Variants in EDC3 observed in about 807,000 individuals in gnomAD.
The protein encoded by EDC3 is enhancer of mRNA decapping 3, also known as enhancer of mRNA-decapping protein 3.
In EDC3, 20 loss-of-function variants were observed where a neutral mutation model predicts 41.8. The observed-to-expected ratio is 0.48, with a 90% CI of 0.34 to 0.70. The LOEUF (loss-of-function observed/expected upper bound fraction) is 0.70. Among genes scored for constraint, EDC3 ranks in the 30% least tolerant of loss-of-function variants. The pLI is 0.01. For missense variants in EDC3, 444 were observed against 636.8 expected, an observed-to-expected ratio of 0.70 and a Z score of 3.26; for synonymous variants, 206 against 243.2, an observed-to-expected ratio of 0.85 and a Z score of 1.42.
At chr15:74,657,247 G>T (rs976266632) in intron 3 of EDC3, among the ~76,000 whole-genome samples, 53 of 152,214 alleles carry the variant, frequency 3.5e-4, no homozygotes, top group African/African-American at 1.3e-3. Flanking sequence ...AGGAGTTGTA[G>T]ACACCCCACC....
chr15:74,694,520 G>T (rs1167486033), intron 1 of EDC3, among the ~76,000 whole-genome samples: 3 of 152,182 alleles, frequency 2.0e-5, no homozygotes, highest in Non-Finnish European at 4.4e-5. Flanking sequence ...TGCCCAGACT[G>T]GTCTCCAACT....
chr15:74,650,345 G>A (rs548816083), intron 4 of EDC3, among the ~76,000 whole-genome samples: 2 of 152,272 alleles, frequency 1.3e-5, no homozygotes, highest in African/African-American at 4.8e-5. Context: ...GGCCAAGCCA[G>A]CTAATGACCA....
Position 74,655,977 on chromosome 15 carries a change from G to A in EDC3, c.576C>T (p.Phe192=), listed in dbSNP as rs544450073. ...GQMKNKDDEC[F]GDDIEEIPDT... is the part of the protein sequence containing the mutation. Reference sequence around the variant, plus strand: ...CTGGGATCTCCTCAATATCATCCCCGAAGCACTCGTCATCTTTATTCTTCA... The same window carrying A: ...CTGGGATCTCCTCAATATCATCCCCAAAGCACTCGTCATCTTTATTCTTCA... The change falls in exon 4 of 7, where the codon TTC becomes TTT. Residue 192 remains phenylalanine (F), a synonymous_variant. Coordinates refer to ENST00000315127, the MANE Select transcript of EDC3 (RefSeq NM_025083.5). 149 of 1,613,816 alleles carry A rather than the reference G, an allele frequency of 9.2e-5. 2 individuals are homozygous for A. In the South Asian group the frequency reaches 1.4e-3, roughly 15 times the overall value.
At chr15:74,656,195 C>T in intron 3 of EDC3, 127 bp from the exon 4 acceptor site, 1 of 862,920 alleles carries the variant, frequency 1.2e-6, no homozygotes, top group Non-Finnish European at 1.8e-6. Context: ...GTAACTATTG[C>T]AAACTCATAT....
rs1350145614 is a variant in EDC3, at chr15:74,685,731, A to C, written c.-19+10149T>G. ...CACTCACACGAGGAAGTCAGAAAAC[A>C]GCTAGCAGATGATAGCAGATGAATA... On this transcript the variant is annotated intron_variant, in intron 1 of 6. Transcript: ENST00000315127. Among the ~76,000 whole-genome samples, 3 of 152,320 alleles carry C rather than the reference A, an allele frequency of 2.0e-5. No individual in the cohort carries two copies. In the East Asian group the frequency reaches 5.8e-4, roughly 29 times the overall value.
intron 3 of EDC3, among the ~76,000 whole-genome samples, chr15:74,658,988 G>C (rs780892622): frequency 1.3e-5 from 2 of 151,958 alleles, no homozygotes; most frequent in African/African-American, 2.4e-5. Context: ...AATTATGAAG[G>C]TAAGGCAGAG....
At chr15:74,667,819 A>T (rs2062694214) in intron 3 of EDC3, among the ~76,000 whole-genome samples, 1 of 152,180 alleles carries the variant, frequency 6.6e-6, no homozygotes, top group Non-Finnish European at 1.5e-5. Flanking sequence ...ATTCCAAGTA[A>T]TGTCTGAAGA....
intron 1 of EDC3, chr15:74,687,067 T>C (rs564280444): frequency 6.6e-6 from 1 of 152,102 alleles, no homozygotes; most frequent in South Asian, 2.1e-4. Context: ...AATAAAGCAC[T>C]CCTGGCTGGG....
Position 74,632,246 on chromosome 15 carries a change from C to T in EDC3, c.*366G>A, listed in dbSNP as rs1428674602. 2 of 284,250 alleles carry T rather than the reference C, an allele frequency of 7.0e-6. No individual in the cohort carries two copies. The highest frequency in any genetic ancestry group is 7.8e-5 in the East Asian group (1 of 12,748). 17.6% of individuals were successfully genotyped at this position (284,250 alleles called of 1,614,324 possible). A position where few individuals can be genotyped will look rare whatever the true frequency, so the allele number is the denominator to read the frequency against. ...TCTGAAATAGAGCAGGTACAGGCCC[C>T]CAGACAGGACCTGGCCCACTCTTCA... is the stretch of plus-strand genomic sequence containing the variant. On this transcript the variant is annotated 3_prime_UTR_variant, in exon 7 of 7. Transcript: ENST00000315127. The surrounding 1 kb of genome is among the most constrained non-coding windows in gnomAD (Gnocchi z 4.0).
At chr15:74,677,018 C>G (rs1197046690) in intron 1 of EDC3, 1 of 152,108 alleles carries the variant, frequency 6.6e-6, no homozygotes, top group African/African-American at 2.4e-5. Context: ...AACCGTCATT[C>G]ATTGCTGACA....
chr15:74,633,086 A>C, intron 6 of EDC3, 140 bp from the exon 7 acceptor site: 1 of 936,588 alleles, frequency 1.1e-6, no homozygotes, highest in Non-Finnish European at 1.6e-6. Context: ...GGCCTTCTTA[A>C]AGCTGGGCCA....
intron 1 of EDC3, among the ~76,000 whole-genome samples, chr15:74,691,193 T>C (rs1034774471): frequency 4.6e-5 from 7 of 151,882 alleles, no homozygotes; most frequent in Non-Finnish European, 1.0e-4. Flanking sequence ...GGTTCACTTC[T>C]GAACTTCCTT....
chr15:74,681,238 C>T (rs1231306538), intron 1 of EDC3, among the ~76,000 whole-genome samples: 1 of 152,200 alleles, frequency 6.6e-6, no homozygotes, highest in Non-Finnish European at 1.5e-5. Context: ...ACTGCAACCT[C>T]CACCTCCCGG....
chr15:74,641,643 A>G (rs1175923237), intron 4 of EDC3: 1 of 152,722 alleles, frequency 6.5e-6, no homozygotes, highest in Non-Finnish European at 1.5e-5. Flanking sequence ...CGGCCAGTGG[A>G]CCAACCAACG....
intron 1 of EDC3, among the ~76,000 whole-genome samples, chr15:74,694,122 A>C (rs2063039427): frequency 6.6e-6 from 1 of 152,210 alleles, no homozygotes; most frequent in Non-Finnish European, 1.5e-5. Context: ...AACTCTAGTA[A>C]GCCCTTCTCT....
chr15:74,686,724 G>A (rs941886778), intron 1 of EDC3, among the ~76,000 whole-genome samples: 1 of 152,188 alleles, frequency 6.6e-6, no homozygotes, highest in African/African-American at 2.4e-5. Context: ...AGGATACAGT[G>A]AGCAGAAATT....
intron 4 of EDC3, among the ~76,000 whole-genome samples, chr15:74,646,421 C>T (rs1347026445): frequency 1.3e-5 from 2 of 152,220 alleles, no homozygotes; most frequent in Non-Finnish European, 2.9e-5. Context: ...TAGGTGCAAA[C>T]TTCAGAAAAT....
At chr15:74,649,099 CTG>C (rs1364101747) in intron 4 of EDC3, among the ~76,000 whole-genome samples, 1 of 135,292 alleles carries the variant, frequency 7.4e-6, no homozygotes, top group African/African-American at 2.8e-5. Flanking sequence ...GAGTCTCACT[CTG>C]TCGCCCAGGC....
chr15:74,644,353 G>A (rs1248320556), intron 4 of EDC3: 1 of 152,178 alleles, frequency 6.6e-6, no homozygotes, highest in Non-Finnish European at 1.5e-5. Flanking sequence ...CTCTTCCAAT[G>A]CTACCCCTAC....
Sources: gnomAD v4.1 joint callset for allele counts (sites outside exome capture counted in the v4.1 genomes callset) on GRCh38, gnomAD v4.1.1 for gene constraint, Gnocchi (gnomAD v3.1) non-coding constraint, MANE v1.5 for transcripts, NCBI Gene and HGNC (gene_info 2026-07-23, HGNC 2026-07-21) for gene names.